NCAM2: variants seen among roughly 807,000 people sequenced by gnomAD.
NCAM2 encodes the protein neural cell adhesion molecule 2.
A neutral mutation model predicts 98.1 loss-of-function variants in NCAM2; 30 were observed. The ratio of observed to expected loss-of-function variants is 0.31; its 90% confidence interval spans 0.23 to 0.41. NCAM2 has a LOEUF of 0.41. Ranked by LOEUF, NCAM2 falls within the 10% of genes least tolerant of loss-of-function variation. The pLI is 1.00. For synonymous variants in NCAM2, 368 were observed against 342.4 expected, an observed-to-expected ratio of 1.07 and a Z score of -0.83; for missense variants, 867 against 1,005.8, an observed-to-expected ratio of 0.86 and a Z score of 1.87.
At chr21:21,105,100 C>T (rs1482565927) in intron 1 of NCAM2, among the ~76,000 whole-genome samples, 1 of 151,738 alleles carries the variant, frequency 6.6e-6, no homozygotes, top group Non-Finnish European at 1.5e-5. Flanking sequence ...GATTTCTGAC[C>T]CTCAAAAAAA....
At position 21,468,069 on chromosome 21, in the gene NCAM2, A is replaced by G. The variant is rs1030199768; in HGVS notation, c.1775-593A>G. 3.3e-5 allele frequency among the ~76,000 whole-genome samples: 5 copies of G among 151,980 alleles called. No homozygotes were observed. In the South Asian group the frequency reaches 1.0e-3, roughly 31 times the overall value. On this transcript the variant is annotated intron_variant, in intron 13 of 17. Coordinates refer to ENST00000400546, the MANE Select transcript of NCAM2 (RefSeq NM_004540.5). Reference sequence around the variant, plus strand: ...GCATCATTGTTATATGGCTATCTCTATGTTGAAGTATAATATCAAAGGCAA... The same window carrying G: ...GCATCATTGTTATATGGCTATCTCTGTGTTGAAGTATAATATCAAAGGCAA...
chr21:21,497,172 A>T (rs1381867669), intron 15 of NCAM2, among the ~76,000 whole-genome samples: 1 of 152,164 alleles, frequency 6.6e-6, no homozygotes, highest in Non-Finnish European at 1.5e-5. Context: ...GCACACATGG[A>T]CATAAATATG....
chr21:21,226,830 CTAGGAACAACACA>C (rs2070401805), intron 1 of NCAM2: 1 of 151,966 alleles, frequency 6.6e-6, no homozygotes, highest in Non-Finnish European at 1.5e-5. Context: ...CCATCTTCAC[CTAGGAACAACACA>C]AGGGTACTTT....
intron 5 of NCAM2, among the ~76,000 whole-genome samples, chr21:21,314,052 A>G (rs1018716206): frequency 1.3e-5 from 2 of 152,124 alleles, no homozygotes; most frequent in African/African-American, 4.8e-5. Flanking sequence ...TTCAACCATT[A>G]AATTACTTTA....
At chr21:21,414,137 G>A (rs192827805) in intron 10 of NCAM2, among the ~76,000 whole-genome samples, 11 of 152,246 alleles carry the variant, frequency 7.2e-5, no homozygotes, top group Non-Finnish European at 8.8e-5. Flanking sequence ...TTTCCCATCT[G>A]TTAGAGTTTT....
chr21:21,479,004 T>G (rs541577254), intron 15 of NCAM2, among the ~76,000 whole-genome samples: 2 of 152,138 alleles, frequency 1.3e-5, no homozygotes, highest in Non-Finnish European at 2.9e-5. Context: ...GTAATTATAT[T>G]TCATGCAAAT....
chr21:21,194,578 A>C (rs2068939237), intron 1 of NCAM2, among the ~76,000 whole-genome samples: 1 of 152,138 alleles, frequency 6.6e-6, no homozygotes, highest in Admixed American at 6.5e-5. Context: ...GCACTAATAA[A>C]TCTTACTGGT....
intron 1 of NCAM2, among the ~76,000 whole-genome samples, chr21:21,076,529 C>T (rs145415102): frequency 2.0e-3 from 300 of 152,206 alleles, no homozygotes; most frequent in Non-Finnish European, 3.7e-3. Flanking sequence ...TTCCCTCTTC[C>T]GTCCTTTGTT....
chr21:21,238,723 C>T (rs1184976319), intron 1 of NCAM2, among the ~76,000 whole-genome samples: 6 of 152,018 alleles, frequency 3.9e-5, no homozygotes, highest in Non-Finnish European at 5.9e-5. Context: ...CTGGTCATTT[C>T]GGTAATAAAT....
intron 1 of NCAM2, among the ~76,000 whole-genome samples, chr21:21,231,625 A>T (rs1317690539): frequency 2.0e-5 from 3 of 151,386 alleles, no homozygotes. Flanking sequence ...TATTTAATAT[A>T]TCTTGGTTCT....
At chr21:21,321,174 G>A (rs2074365225) in intron 5 of NCAM2, among the ~76,000 whole-genome samples, 1 of 152,134 alleles carries the variant, frequency 6.6e-6, no homozygotes, top group Non-Finnish European at 1.5e-5. Flanking sequence ...GTGATAACGA[G>A]CATTTTTTCA....
chr21:21,311,010 A>T (rs531769538), intron 5 of NCAM2, among the ~76,000 whole-genome samples: 1 of 152,330 alleles, frequency 6.6e-6, no homozygotes, highest in Admixed American at 6.5e-5. Context: ...AATGCACTTA[A>T]AATCAGGTAG....
intron 1 of NCAM2, among the ~76,000 whole-genome samples, chr21:21,118,037 A>G (rs1018183583): frequency 6.6e-6 from 1 of 152,224 alleles, no homozygotes; most frequent in Admixed American, 6.5e-5. Context: ...ATCCTAATGG[A>G]AAATCTCTTG....
intron 1 of NCAM2, among the ~76,000 whole-genome samples, chr21:21,174,046 C>T (rs541265392): frequency 8.1e-4 from 123 of 152,290 alleles, no homozygotes; most frequent in African/African-American, 2.9e-3. Context: ...GCCTCAGCCT[C>T]CCAAGTAGCT....
chr21:21,385,556 G>T (rs1035968415), intron 9 of NCAM2: 2 of 918,292 alleles, frequency 2.2e-6, no homozygotes, highest in Non-Finnish European at 1.5e-6. Flanking sequence ...AACTTAAGGT[G>T]TTAGAAAATT....
intron 1 of NCAM2, among the ~76,000 whole-genome samples, chr21:21,134,413 C>G (rs1053610508): frequency 2.0e-4 from 31 of 152,156 alleles, no homozygotes; most frequent in African/African-American, 7.5e-4. Flanking sequence ...CAGAAGAAGA[C>G]AGTGGAGACC....
chr21:21,007,875 T>G (rs1017210145), intron 1 of NCAM2, among the ~76,000 whole-genome samples: 1 of 152,162 alleles, frequency 6.6e-6, no homozygotes, highest in African/African-American at 2.4e-5. Flanking sequence ...GGTCTTGGCC[T>G]TATTTTACCC....
chr21:21,403,778 G>T (rs1279965670), intron 9 of NCAM2, among the ~76,000 whole-genome samples: 1 of 151,992 alleles, frequency 6.6e-6, no homozygotes, highest in Non-Finnish European at 1.5e-5. Context: ...ATATTAGTTT[G>T]AAATCAAAAC....
At chr21:21,267,020 A>G (rs2072309152) in intron 1 of NCAM2, among the ~76,000 whole-genome samples, 2 of 152,000 alleles carry the variant, frequency 1.3e-5, no homozygotes, top group South Asian at 4.1e-4. Context: ...CCAATTAGTT[A>G]TTTTTCCTAA....
Sources: allele counts gnomAD v4.1 joint callset (sites outside exome capture counted in the v4.1 genomes callset), GRCh38; gene constraint gnomAD v4.1.1; transcripts MANE v1.5; gene names NCBI Gene and HGNC (gene_info 2026-07-23, HGNC 2026-07-21).